The following DSCAML1 variants were observed in gnomAD, a reference collection of about 807,000 sequenced individuals.
DSCAML1 encodes DS cell adhesion molecule like 1, also known as cell adhesion molecule DSCAML1.
DSCAML1 carries 38 observed loss-of-function variants against 200.5 expected under a neutral mutation model. The ratio of observed to expected loss-of-function variants is 0.19; its 90% confidence interval spans 0.15 to 0.25. The LOEUF is 0.25. Ranked by LOEUF, DSCAML1 falls within the 10% of genes least tolerant of loss-of-function variation. The probability of loss-of-function intolerance (pLI) is 1.00; values close to 1 mark genes in which losing one functional copy is unlikely to be tolerated. For missense variants in DSCAML1, 2,223 were observed against 2,858.8 expected (o/e 0.78, Z 5.07); for synonymous variants, 1,215 against 1,165.0 (o/e 1.04, Z -0.87).
intron 16 of DSCAML1, among the ~76,000 whole-genome samples, chr11:117,468,560 G>GCCAGGACA (rs1565710940): frequency 2.0e-5 from 3 of 151,954 alleles, no homozygotes; most frequent in African/African-American, 7.3e-5. Flanking sequence ...CAGCCAGGAC[G>GCCAGGACA]CAGCCAAGAG....
At position 117,437,758 on chromosome 11, in the gene DSCAML1, G is replaced by T. The variant is rs1305023134; in HGVS notation, c.4432+137C>A. 5 of 989,804 alleles carry T rather than the reference G, an allele frequency of 5.1e-6. No individual in the cohort carries two copies. The highest frequency in any genetic ancestry group is 7.2e-6 in the Non-Finnish European group (5 of 694,086). The allele number at this position is 989,804 out of a possible 1,614,324, so 61.3% of individuals were successfully genotyped here. ...CTGTGGTGACGGGAAGGAGGCTGAG[G>T]CTCCTCCCTTCAGTCTCCCTGCATC... On this transcript the variant is annotated intron_variant, in intron 25 of 32. Coordinates refer to ENST00000651296, the MANE Select transcript of DSCAML1 (RefSeq NM_020693.4). This position sits in a 1 kb window ranked among gnomAD's most constrained non-coding sequence, Gnocchi z 5.3.
chr11:117,442,314 T>C (rs1415674872), intron 21 of DSCAML1, among the ~76,000 whole-genome samples: 4 of 151,038 alleles, frequency 2.6e-5, no homozygotes, highest in South Asian at 2.1e-4. Flanking sequence ...CATATGTGTA[T>C]GCATGTATTA....
intron 3 of DSCAML1, among the ~76,000 whole-genome samples, chr11:117,566,921 C>T (rs190121449): frequency 0.24 from 36,767 of 150,428 alleles, 4,680 homozygotes; most frequent in Non-Finnish European, 0.25. Flanking sequence ...TCATTTTTTA[C>T]GGCTGCACAG....
In DSCAML1 at chr11:117,780,864, A is replaced by G; in HGVS notation, c.47-54T>C. The G allele has an allele frequency of 1.5e-6, 2 of 1,356,620 alleles. No homozygotes were observed. The highest frequency in any genetic ancestry group is 1.9e-6 in the Non-Finnish European group (2 of 1,050,734). The allele number at this position is 1,356,620 out of a possible 1,614,324, so 84.0% of individuals were successfully genotyped here. A position where few individuals can be genotyped will look rare whatever the true frequency, so the allele number is the denominator to read the frequency against. On this transcript the variant is annotated intron_variant, in intron 1 of 32. Coordinates refer to ENST00000651296, the MANE Select transcript of DSCAML1 (RefSeq NM_020693.4). This position sits in a 1 kb window ranked among gnomAD's most constrained non-coding sequence, Gnocchi z 4.8. ...GTTAGCATGGGCTCTAACAATACCC[A>G]TATAAGCCACGGAGGCTTGCGACAG...
At chr11:117,573,668 T>C (rs191168213) in intron 3 of DSCAML1, among the ~76,000 whole-genome samples, 1 of 152,342 alleles carries the variant, frequency 6.6e-6, no homozygotes, top group Non-Finnish European at 1.5e-5. Context: ...TTCAGTGCCA[T>C]GCAGCAAAGC....
At chr11:117,576,261 G>A (rs1165876720) in intron 3 of DSCAML1, among the ~76,000 whole-genome samples, 1 of 152,194 alleles carries the variant, frequency 6.6e-6, no homozygotes, top group Non-Finnish European at 1.5e-5. Flanking sequence ...GGGTTTCACT[G>A]ACTCCATGTG....
At position 117,481,956 on chromosome 11, in the gene DSCAML1, T is replaced by C; in HGVS notation, c.2559+7A>G. 1 of 1,613,708 alleles carries C rather than the reference T, an allele frequency of 6.2e-7. No homozygotes were observed. The highest frequency in any genetic ancestry group is 1.7e-4 in the Middle Eastern group (1 of 6,058). The stretch of plus-strand genomic sequence containing the variant: ...GGGTCCCCCAGCACTGAGGTGGGGG[T>C]GCTCACCTTCAGTGTGGAGACGACC... On this transcript the variant is annotated splice_region_variant and intron_variant, in intron 12 of 32. Transcript: ENST00000651296.
chr11:117,705,055 G>T (rs1428500896), intron 3 of DSCAML1, among the ~76,000 whole-genome samples: 1 of 152,222 alleles, frequency 6.6e-6, no homozygotes, highest in Non-Finnish European at 1.5e-5. Context: ...GACGTCTGCG[G>T]GCTGGAGAGG....
At chr11:117,559,523 C>A (rs2050622660) in intron 3 of DSCAML1, among the ~76,000 whole-genome samples, 1 of 152,212 alleles carries the variant, frequency 6.6e-6, no homozygotes, top group Non-Finnish European at 1.5e-5. Context: ...GTAACTCCTG[C>A]TTTTCTGAAA....
intron 3 of DSCAML1, among the ~76,000 whole-genome samples, chr11:117,542,984 T>C (rs1416365463): frequency 6.6e-6 from 1 of 152,244 alleles, no homozygotes; most frequent in Non-Finnish European, 1.5e-5. Context: ...CTCTCCTTTC[T>C]GGGCAGAGGT....
At chr11:117,495,049 C>T (rs745532197) in intron 11 of DSCAML1, among the ~76,000 whole-genome samples, 15 of 152,196 alleles carry the variant, frequency 9.9e-5, no homozygotes, top group African/African-American at 1.9e-4. Context: ...TGGAAACTAA[C>T]GCAGGGATCC....
Position 117,450,615 on chromosome 11 carries a change from A to T in DSCAML1, c.3642T>A (p.Pro1214=). Residue 1214 remains proline (P), a synonymous_variant, in exon 20 of 33, where the codon CCT becomes CCA. Coordinates refer to ENST00000651296, the MANE Select transcript of DSCAML1 (RefSeq NM_020693.4). The part of the protein sequence containing the change: ...ASSVVVSWLP[P]TKPNGVIRKY... ...TGCGGATCACCCCGTTGGGCTTGGT[A>T]GGGGGGAGCCAAGACACAACCACAC... 6.2e-7 allele frequency: 1 copy of T among 1,614,196 alleles called. No individual in the cohort carries two copies. Among genetic ancestry groups the T allele is most frequent in the Non-Finnish European group, 8.5e-7 (1 of 1,180,032 alleles).
intron 3 of DSCAML1, among the ~76,000 whole-genome samples, chr11:117,740,257 A>G (rs144993612): frequency 6.8e-4 from 104 of 152,296 alleles, no homozygotes; most frequent in African/African-American, 2.3e-3. Context: ...TGATGAGAAA[A>G]CAGGCTTAGA....
In DSCAML1 at chr11:117,656,899, G is replaced by A. The variant is rs1016859094; in HGVS notation, c.511+119892C>T. Among the ~76,000 whole-genome samples the A allele has an allele frequency of 2.0e-5, 3 of 152,362 alleles. No individual in the cohort carries two copies. In the East Asian group the frequency reaches 5.8e-4, roughly 29 times the overall value. Reference sequence around the variant, plus strand: ...TGGAAGCTTACTAAGAGGTGGCAGTGCTATGTCATCTGGCTATGTCATTGA... The same window carrying A: ...TGGAAGCTTACTAAGAGGTGGCAGTACTATGTCATCTGGCTATGTCATTGA... On this transcript the variant is annotated intron_variant, in intron 3 of 32. Coordinates refer to ENST00000651296, the MANE Select transcript of DSCAML1 (RefSeq NM_020693.4).
chr11:117,666,356 G>A (rs1434736475), intron 3 of DSCAML1, among the ~76,000 whole-genome samples: 1 of 152,186 alleles, frequency 6.6e-6, no homozygotes, highest in Non-Finnish European at 1.5e-5. Context: ...GATTTTAGAA[G>A]TTGTGTAATC....
chr11:117,701,378 C>T (rs1440860594), intron 3 of DSCAML1, among the ~76,000 whole-genome samples: 1 of 152,182 alleles, frequency 6.6e-6, no homozygotes, highest in Non-Finnish European at 1.5e-5. Context: ...GCAGGATCGT[C>T]CCCCAGAGAA....
intron 3 of DSCAML1, among the ~76,000 whole-genome samples, chr11:117,754,533 A>G (rs2054655186): frequency 6.6e-6 from 1 of 152,080 alleles, no homozygotes; most frequent in African/African-American, 2.4e-5. Flanking sequence ...ACGCACTCTC[A>G]TAGAGAGAAG....
intron 3 of DSCAML1, among the ~76,000 whole-genome samples, chr11:117,586,878 G>A (rs531149312): frequency 1.3e-5 from 2 of 152,356 alleles, no homozygotes; most frequent in South Asian, 4.1e-4. Flanking sequence ...ACTAAGCCTA[G>A]ATCTGGCTTG....
rs58166401 is a variant in DSCAML1, at chr11:117,762,868, GTAATAATAA to G, written c.511+13914_511+13922del. On this transcript the variant is annotated intron_variant, in intron 3 of 32. Transcript: ENST00000651296. ...ACAGAGTGAGACTCTGTCTCAAATA[GTAATAATAA>G]TAATAATAATAATAATAATAATAAT... 1.1e-3 allele frequency among the ~76,000 whole-genome samples: 157 copies of G among 146,614 alleles called. 1 individual carries two copies. Among genetic ancestry groups the G allele is most frequent in the Middle Eastern group, 3.6e-3 (1 of 280 alleles).
Sources: allele counts gnomAD v4.1 joint callset (sites outside exome capture counted in the v4.1 genomes callset), GRCh38; gene constraint gnomAD v4.1.1; non-coding constraint Gnocchi (gnomAD v3.1); transcripts MANE v1.5; gene names NCBI Gene and HGNC (gene_info 2026-07-23, HGNC 2026-07-21).